Variants in EYS observed in about 807,000 individuals in gnomAD.
The protein encoded by EYS is EGF-like photoreceptor maintenance factor.
A neutral mutation model predicts 282.1 loss-of-function variants in EYS; 250 were observed. That is an observed-to-expected ratio of 0.89 (90% CI 0.80 to 0.98). The LOEUF (loss-of-function observed/expected upper bound fraction) is 0.98. Ranked by LOEUF, EYS falls within the 50% of genes least tolerant of loss-of-function variation. The pLI is 0.00. For synonymous variants in EYS, 1,355 were observed against 1,282.9 expected (o/e 1.06, Z -1.20); for missense variants, 4,016 against 3,709.0 (o/e 1.08, Z -2.15).
chr6:64,660,912 A>G (rs1045589831), intron 22 of EYS, among the ~76,000 whole-genome samples: 2 of 152,222 alleles, frequency 1.3e-5, no homozygotes, highest in Non-Finnish European at 2.9e-5. Context: ...GGAAACAAAA[A>G]TGAGCCCGCA....
At chr6:64,746,985 G>A (rs1333197653) in intron 22 of EYS, among the ~76,000 whole-genome samples, 1 of 152,150 alleles carries the variant, frequency 6.6e-6, no homozygotes, top group Non-Finnish European at 1.5e-5. Flanking sequence ...TTCCTGCCTG[G>A]AGCTGTCTTC....
chr6:65,181,374 A>C (rs1765378642), intron 12 of EYS, among the ~76,000 whole-genome samples: 1 of 152,120 alleles, frequency 6.6e-6, no homozygotes, highest in Non-Finnish European at 1.5e-5. Context: ...AAAAACAAAC[A>C]ACCCTATCAA....
intron 14 of EYS, among the ~76,000 whole-genome samples, chr6:64,990,064 CTATT>C (rs749464120): frequency 1.3e-4 from 19 of 151,496 alleles, no homozygotes; most frequent in Non-Finnish European, 2.8e-4. Context: ...CCTAAATTTC[CTATT>C]TATTTTTTAC....
chr6:63,912,539 A>G (rs772415909), intron 35 of EYS, among the ~76,000 whole-genome samples: 6 of 152,206 alleles, frequency 3.9e-5, no homozygotes, highest in Non-Finnish European at 5.9e-5. Context: ...AACTCAATTC[A>G]GACTAGCCAA....
At chr6:65,265,198 C>A (rs576544) in intron 12 of EYS, among the ~76,000 whole-genome samples, 58,671 of 151,740 alleles carry the variant, frequency 0.39, 12,512 homozygotes, top group African/African-American at 0.57. Context: ...GTATCATGCC[C>A]TATACCCTAG....
At chr6:64,945,068 T>G (rs942513753) in intron 15 of EYS, among the ~76,000 whole-genome samples, 1 of 145,866 alleles carries the variant, frequency 6.9e-6, no homozygotes, top group Non-Finnish European at 1.5e-5. Flanking sequence ...CAGAGGCCGG[T>G]GCAGGTCCTT....
chr6:64,829,812 A>G (rs1765162695), intron 19 of EYS, among the ~76,000 whole-genome samples: 1 of 151,990 alleles, frequency 6.6e-6, no homozygotes, highest in Non-Finnish European at 1.5e-5. Flanking sequence ...CCGATGTGCC[A>G]TCCTTCTTTG....
At chr6:65,576,286 G>A (rs1017602623) in intron 2 of EYS, among the ~76,000 whole-genome samples, 2 of 152,002 alleles carry the variant, frequency 1.3e-5, no homozygotes, top group African/African-American at 4.8e-5. Context: ...ATGCAAACCA[G>A]TAAATGTGAT....
At chr6:64,028,375 G>T (rs1025440783) in intron 33 of EYS, among the ~76,000 whole-genome samples, 1 of 152,226 alleles carries the variant, frequency 6.6e-6, no homozygotes, top group Admixed American at 6.5e-5. Context: ...GTAAGGAAAT[G>T]CAGCAGTCCC....
intron 19 of EYS, among the ~76,000 whole-genome samples, chr6:64,873,189 A>G (rs1196072089): frequency 1.3e-5 from 2 of 152,180 alleles, no homozygotes; most frequent in Non-Finnish European, 2.9e-5. Flanking sequence ...TGAAAGGCAC[A>G]TCTCACATGG....
At chr6:64,818,049 GT>G (rs1278958482) in intron 21 of EYS, among the ~76,000 whole-genome samples, 7 of 151,992 alleles carry the variant, frequency 4.6e-5, no homozygotes, top group African/African-American at 1.7e-4. Flanking sequence ...TCTGTAATTA[GT>G]TTTTTCCATT....
In EYS at chr6:65,659,382, C is replaced by T. The variant is rs895555832; in HGVS notation, c.-447-19490G>A. On this transcript the variant is annotated intron_variant, in intron 1 of 42. Coordinates refer to ENST00000503581, the MANE Select transcript of EYS (RefSeq NM_001142800.2). ...TATTAAGCACTTTATGAAGGAAAAC[C>T]GTAAGAAAATATCCTAGAAAGTAAA... Among the ~76,000 whole-genome samples the T allele has an allele frequency of 4.0e-5, 6 of 151,542 alleles. No homozygotes were observed. The South Asian group carries it at 1.0e-3, about 26-fold the overall frequency.
chr6:63,773,620 C>T (rs1295838934), intron 40 of EYS, among the ~76,000 whole-genome samples: 1 of 152,098 alleles, frequency 6.6e-6, no homozygotes, highest in Non-Finnish European at 1.5e-5. Context: ...ACATTTTGAG[C>T]AGGAAAATGA....
chr6:64,479,767 G>T (rs964049959), intron 26 of EYS, among the ~76,000 whole-genome samples: 1 of 151,868 alleles, frequency 6.6e-6, no homozygotes, highest in Non-Finnish European at 1.5e-5. Flanking sequence ...GAATTTATCA[G>T]GATAGGCTAG....
intron 26 of EYS, among the ~76,000 whole-genome samples, chr6:64,460,488 A>G (rs1464097079): frequency 1.3e-5 from 2 of 152,196 alleles, no homozygotes; most frequent in Non-Finnish European, 2.9e-5. Flanking sequence ...AATTTTCCAG[A>G]TATGTTGCTG....
chr6:65,459,496 T>C lies in EYS; in HGVS notation c.862+31098A>G, dbSNP rs191701260. Among the ~76,000 whole-genome samples, 13 of 152,062 alleles carry C rather than the reference T, an allele frequency of 8.5e-5. 1 individual carries two copies. The highest frequency in any genetic ancestry group is 3.1e-4 in the African/African-American group (13 of 41,540). ...ATCAATATTTGGAATATGCAAATGA[T>C]TAAGATAATAAGAATGTACATATAA... On this transcript the variant is annotated intron_variant, in intron 5 of 42. Coordinates refer to ENST00000503581, the MANE Select transcript of EYS (RefSeq NM_001142800.2).
intron 22 of EYS, among the ~76,000 whole-genome samples, chr6:64,645,126 C>T (rs949018139): frequency 6.6e-6 from 1 of 152,172 alleles, no homozygotes; most frequent in Admixed American, 6.5e-5. Flanking sequence ...TACCATTTCT[C>T]TTTGCCACCA....
chr6:64,920,211 T>G (rs1023163138), intron 15 of EYS, among the ~76,000 whole-genome samples: 1 of 152,072 alleles, frequency 6.6e-6, no homozygotes, highest in Non-Finnish European at 1.5e-5. Flanking sequence ...AGATGAATCT[T>G]TCAACAACAT....
intron 29 of EYS, among the ~76,000 whole-genome samples, chr6:64,322,578 A>G (rs987495933): frequency 2.0e-5 from 3 of 152,060 alleles, no homozygotes; most frequent in Admixed American, 1.3e-4. Context: ...TTTTGAATTT[A>G]CAAGTGGCAG....
Sources: gnomAD v4.1 joint callset for allele counts (sites outside exome capture counted in the v4.1 genomes callset) on GRCh38, gnomAD v4.1.1 for gene constraint, MANE v1.5 for transcripts, NCBI Gene and HGNC (gene_info 2026-07-23, HGNC 2026-07-21) for gene names.